Variants in ADIPOR2 observed in about 807,000 individuals in gnomAD.
ADIPOR2 encodes the protein adiponectin receptor protein 2.
Under a neutral mutation model 40.9 loss-of-function variants are expected in ADIPOR2, and 18 were observed. That is an observed-to-expected ratio of 0.44 (90% CI 0.30 to 0.65). The LOEUF (loss-of-function observed/expected upper bound fraction) is 0.65. Among genes scored for constraint, ADIPOR2 ranks in the 30% least tolerant of loss-of-function variants. ADIPOR2 has a pLI of 0.09. For synonymous variants in ADIPOR2, 165 were observed against 166.4 expected, an observed-to-expected ratio of 0.99 and a Z score of 0.06; for missense variants, 283 against 479.2, an observed-to-expected ratio of 0.59 and a Z score of 3.82.
At position 1,715,621 on chromosome 12, in the gene ADIPOR2, A is replaced by G. The variant is rs535503135; in HGVS notation, c.-87+24430A>G. ...ACTGCAGGGCCCCTTCTTTACCCCT[A>G]TCCAGCAGGAAGTAGCTAGAGTGGG... On this transcript the variant is annotated intron_variant, in intron 1 of 7. Coordinates refer to ENST00000357103, the MANE Select transcript of ADIPOR2 (RefSeq NM_024551.3). 4.6e-5 allele frequency among the ~76,000 whole-genome samples: 7 copies of G among 152,238 alleles called. No homozygotes were observed. In the East Asian group the frequency reaches 1.4e-3, roughly 29 times the overall value.
At chr12:1,710,233 C>G (rs2094673517) in intron 1 of ADIPOR2, among the ~76,000 whole-genome samples, 2 of 152,176 alleles carry the variant, frequency 1.3e-5, no homozygotes, top group Non-Finnish European at 2.9e-5. Flanking sequence ...CCCCAGCCAT[C>G]AGCTGCAACC....
intron 1 of ADIPOR2, among the ~76,000 whole-genome samples, chr12:1,734,258 T>C (rs1305284339): frequency 2.6e-5 from 4 of 152,158 alleles, no homozygotes; most frequent in African/African-American, 7.2e-5. Context: ...TTCTCCACAT[T>C]CTCTCCAGTA....
chr12:1,782,960 TTTTC>T (rs1357821805), intron 6 of ADIPOR2, among the ~76,000 whole-genome samples: 27 of 144,294 alleles, frequency 1.9e-4, no homozygotes, highest in African/African-American at 6.2e-4. Flanking sequence ...TTTCTTTTCT[TTTTC>T]TTTCTTTCTT....
At chr12:1,726,166 C>G (rs1050898352) in intron 1 of ADIPOR2, among the ~76,000 whole-genome samples, 7 of 152,110 alleles carry the variant, frequency 4.6e-5, no homozygotes, top group African/African-American at 1.7e-4. Flanking sequence ...GAGGTATGAA[C>G]TGAAGGGAAG....
At position 1,719,417 on chromosome 12, in the gene ADIPOR2, G is replaced by T. The variant is rs115388168; in HGVS notation, c.-87+28226G>T. Among the ~76,000 whole-genome samples, 660 of 152,248 alleles carry T rather than the reference G, an allele frequency of 4.3e-3. 5 individuals are homozygous for T. The highest frequency in any genetic ancestry group is 0.015 in the African/African-American group (629 of 41,528). The stretch of plus-strand genomic sequence containing the variant: ...GCTCATTCAGACATTGTGGATAAGA[G>T]CATTGACTTAGGTGTCAGGCAGAAT... On this transcript the variant is annotated intron_variant, in intron 1 of 7. Coordinates refer to ENST00000357103, the MANE Select transcript of ADIPOR2 (RefSeq NM_024551.3).
chr12:1,765,350 G>A (rs1862354832), intron 2 of ADIPOR2, among the ~76,000 whole-genome samples: 1 of 152,138 alleles, frequency 6.6e-6, no homozygotes, highest in South Asian at 2.1e-4. Flanking sequence ...AATTAGCCAA[G>A]ATAGTGGTGT....
At chr12:1,762,764 T>A (rs1193679161) in intron 2 of ADIPOR2, among the ~76,000 whole-genome samples, 1 of 152,242 alleles carries the variant, frequency 6.6e-6, no homozygotes, top group Non-Finnish European at 1.5e-5. Context: ...GAATCTGTTT[T>A]ACAGATGAGG....
intron 1 of ADIPOR2, among the ~76,000 whole-genome samples, chr12:1,694,257 G>T (rs61912270): frequency 0.012 from 1,864 of 152,290 alleles, 17 homozygotes; most frequent in Middle Eastern, 0.02. Flanking sequence ...TTAACAATAT[G>T]CTACAGAGCC....
At chr12:1,749,453 A>G (rs1006478321) in intron 1 of ADIPOR2, among the ~76,000 whole-genome samples, 2 of 152,242 alleles carry the variant, frequency 1.3e-5, no homozygotes, top group African/African-American at 4.8e-5. Context: ...AATAAAGGCT[A>G]TGGGAGTTAA....
chr12:1,699,434 A>T (rs965647413), intron 1 of ADIPOR2, among the ~76,000 whole-genome samples: 11 of 152,194 alleles, frequency 7.2e-5, no homozygotes, highest in African/African-American at 2.2e-4. Flanking sequence ...CCTGGCCAAC[A>T]TGGCGAAACC....
At chr12:1,780,742 ACTT>A in intron 5 of ADIPOR2, 105 bp downstream of exon 5, 13 of 1,396,532 alleles carry the variant, frequency 9.3e-6, no homozygotes, top group Non-Finnish European at 1.2e-5. Flanking sequence ...TCTCATGCAA[ACTT>A]TTTTTTTTTT....
intron 2 of ADIPOR2, among the ~76,000 whole-genome samples, chr12:1,755,305 C>G (rs550463651): frequency 7.0e-4 from 106 of 152,180 alleles, no homozygotes; most frequent in African/African-American, 2.4e-3. Context: ...GTCTCCATCT[C>G]AACCTCCTTA....
chr12:1,778,747 A>G (rs539942517), intron 4 of ADIPOR2: 3 of 152,324 alleles, frequency 2.0e-5, no homozygotes, highest in African/African-American at 7.2e-5. Context: ...AAGAAAGTGA[A>G]AAGACAACCC....
chr12:1,721,622 G>A (rs2094698108), intron 1 of ADIPOR2, among the ~76,000 whole-genome samples: 1 of 152,142 alleles, frequency 6.6e-6, no homozygotes, highest in African/African-American at 2.4e-5. Flanking sequence ...TCAGTCTAGT[G>A]GGAAAAGATC....
chr12:1,728,958 GTTTTTTTT>G (rs66842156), intron 1 of ADIPOR2, among the ~76,000 whole-genome samples: 3 of 110,054 alleles, frequency 2.7e-5, no homozygotes, highest in Non-Finnish European at 5.4e-5. Flanking sequence ...GTTCTGGACT[GTTTTTTTT>G]TTTTTTTTTT....
At chr12:1,773,467 T>G (rs1862526928) in intron 3 of ADIPOR2, among the ~76,000 whole-genome samples, 1 of 151,914 alleles carries the variant, frequency 6.6e-6, no homozygotes, top group Non-Finnish European at 1.5e-5. Flanking sequence ...TCTCTTAAGG[T>G]TTTTCTTCCA....
chr12:1,750,242 C>T (rs753306380), intron 1 of ADIPOR2, among the ~76,000 whole-genome samples: 5 of 151,832 alleles, frequency 3.3e-5, no homozygotes, highest in Admixed American at 2.6e-4. Context: ...TCAGTTTCTG[C>T]GTGTTTATTG....
intron 4 of ADIPOR2, 27 bp downstream of exon 4, chr12:1,778,052 C>G (rs1565658303): frequency 6.3e-7 from 1 of 1,587,410 alleles, no homozygotes; most frequent in Admixed American, 1.8e-5. Context: ...ATGTAATGAG[C>G]TGGTGATTCA....
chr12:1,758,214 A>T (rs1862187575), intron 2 of ADIPOR2, among the ~76,000 whole-genome samples: 1 of 152,212 alleles, frequency 6.6e-6, no homozygotes, highest in African/African-American at 2.4e-5. Flanking sequence ...AATTAGGTGG[A>T]TGGGATTTTT....
Sources: gnomAD v4.1 joint callset for allele counts (sites outside exome capture counted in the v4.1 genomes callset) on GRCh38, gnomAD v4.1.1 for gene constraint, MANE v1.5 for transcripts, NCBI Gene and HGNC (gene_info 2026-07-23, HGNC 2026-07-21) for gene names.